Variants in ATP2A1 observed in about 807,000 individuals in gnomAD.
ATP2A1 encodes the protein sarcoplasmic/endoplasmic reticulum calcium ATPase 1.
ATP2A1 carries 83 observed loss-of-function variants against 109.5 expected under a neutral mutation model. The observed-to-expected ratio is 0.76, with a 90% CI of 0.63 to 0.91. The LOEUF is 0.91. Among genes scored for constraint, ATP2A1 ranks in the 40% least tolerant of loss-of-function variants. The pLI, the probability that ATP2A1 is intolerant of heterozygous loss-of-function variation, is 0.00. For missense variants in ATP2A1, 1,101 were observed against 1,341.0 expected, an observed-to-expected ratio of 0.82 and a Z score of 2.80; for synonymous variants, 505 against 537.6, an observed-to-expected ratio of 0.94 and a Z score of 0.84.
chr16:28,894,402 C>A, intron 10 of ATP2A1, 103 bp from the exon 11 acceptor site: 1 of 1,326,018 alleles, frequency 7.5e-7, no homozygotes, highest in Non-Finnish European at 1.1e-6. Context: ...CCCCACTGTC[C>A]TTCCTTACCC....
intron 9 of ATP2A1, among the ~76,000 whole-genome samples, chr16:28,891,800 A>G (rs1963780984): frequency 6.7e-6 from 1 of 148,752 alleles, no homozygotes; most frequent in Admixed American, 6.7e-5. Context: ...AATCGCTTGA[A>G]CCCAGGAGGC....
rs775274724 is a variant in ATP2A1, at chr16:28,882,616, G to A, written c.463+27G>A. 1.7e-5 allele frequency: 27 copies of A among 1,613,160 alleles called. No individual in the cohort carries two copies. The East Asian group carries it at 4.9e-4, about 29-fold the overall frequency. On this transcript the variant is annotated intron_variant, in intron 5 of 22. Coordinates refer to ENST00000395503, the MANE Select transcript of ATP2A1 (RefSeq NM_004320.6). The stretch of plus-strand genomic sequence containing the variant: ...TGAGTGACAGGGACGGCTGGTCCAG[G>A]ATGGGAGGCCTTGGGGCTGAGGCCT...
At position 28,903,947 on chromosome 16, in the gene ATP2A1, G is replaced by C; in HGVS notation, c.*37+206G>C. ...GGCTCCCAGGCCCTGGGCAGTGCCA[G>C]CCTCTGGGCCCGTCTGCTGCGCTGC... On this transcript the variant is annotated intron_variant, in intron 22 of 22. Coordinates refer to ENST00000395503, the MANE Select transcript of ATP2A1 (RefSeq NM_004320.6). The surrounding 1 kb of genome is among the most constrained non-coding windows in gnomAD (Gnocchi z 5.6). 2.8e-6 allele frequency: 2 copies of C among 725,272 alleles called. No individual in the cohort carries two copies. Among genetic ancestry groups the C allele is most frequent in the Non-Finnish European group, 4.8e-6 (2 of 414,878 alleles). 44.9% of individuals were successfully genotyped at this position (725,272 alleles called of 1,614,324 possible).
Position 28,900,649 on chromosome 16 carries a change from C to CCAGCTGTG in ATP2A1, c.1835_1842dup (p.Arg615SerfsTer10). 6.2e-7 allele frequency: 1 copy of CCAGCTGTG among 1,606,888 alleles called. No homozygotes were observed. The highest frequency in any genetic ancestry group is 8.5e-7 in the Non-Finnish European group (1 of 1,174,824). ...CGCGCAAGGAGGTCACGGGCTCCAT[C>CCAGCTGTG]CAGCTGTGCCGTGACGCCGGGATCC... On this transcript the variant is annotated frameshift_variant, in exon 15 of 23. Transcript: ENST00000395503. LOFTEE classifies it high-confidence loss of function.
At chr16:28,896,233 T>G (rs1179638965) in intron 12 of ATP2A1, among the ~76,000 whole-genome samples, 1 of 152,220 alleles carries the variant, frequency 6.6e-6, no homozygotes, top group Non-Finnish European at 1.5e-5. Context: ...TGTTTGTTTG[T>G]TTGTCTGTCT....
rs768775877 is a variant in ATP2A1 at position 28,878,607 on chromosome 16, A to AC, written c.-59dup. On this transcript the variant is annotated 5_prime_UTR_variant, in exon 1 of 23. Coordinates refer to ENST00000395503, the MANE Select transcript of ATP2A1 (RefSeq NM_004320.6). The stretch of plus-strand genomic sequence containing the variant: ...CAGGCAGTTGGACACACTGAGGAAG[A>AC]CCCCCCACGAGTGGGAACCCCCTGG... The AC allele has an allele frequency of 2.7e-5, 36 of 1,332,542 alleles. No individual in the cohort carries two copies. Among genetic ancestry groups the AC allele is most frequent in the Non-Finnish European group, 3.4e-5 (32 of 947,260 alleles). 82.5% of individuals were successfully genotyped at this position (1,332,542 alleles called of 1,614,324 possible).
Position 28,903,518 on chromosome 16 carries a change from G to A in ATP2A1, c.2980+78G>A, listed in dbSNP as rs1434224582. 50 of 898,090 alleles carry A rather than the reference G, an allele frequency of 5.6e-5. No individual in the cohort carries two copies. The highest frequency in any genetic ancestry group is 3.5e-4 in the African/African-American group (15 of 43,012). 55.6% of individuals were successfully genotyped at this position (898,090 alleles called of 1,614,324 possible). A position where few individuals can be genotyped will look rare whatever the true frequency, so the allele number is the denominator to read the frequency against. ...CATGACGCCGCCCCCGCCCCGCCCC[G>A]TACTTTGCAGGTGGTAAGTTTCTCA... On this transcript the variant is annotated intron_variant, in intron 21 of 22. Transcript: ENST00000395503. This position sits in a 1 kb window ranked among gnomAD's most constrained non-coding sequence, Gnocchi z 5.6.
rs1473518045 is a variant in ATP2A1 at position 28,899,656 on chromosome 16, C to CT, written c.1765-925_1765-924insT. 1.7e-5 allele frequency among the ~76,000 whole-genome samples: 2 copies of CT among 121,034 alleles called. 1 individual carries two copies. The highest frequency in any genetic ancestry group is 3.6e-5 in the Non-Finnish European group (2 of 56,154). The allele number at this position is 121,034 out of a possible 152,430, so 79.4% of individuals were successfully genotyped here. ...TCCATCCCCTGCGCCCGCCCCCCCC[C>CT]CCCCGAAAAAGACACAATTTGGGGC... On this transcript the variant is annotated intron_variant, in intron 14 of 22. Coordinates refer to ENST00000395503, the MANE Select transcript of ATP2A1 (RefSeq NM_004320.6).
At chr16:28,896,569 C>T (rs7193677) in intron 12 of ATP2A1, among the ~76,000 whole-genome samples, 4,191 of 152,192 alleles carry the variant, frequency 0.028, 230 homozygotes, top group African/African-American at 0.097. Context: ...TGTGCCACAA[C>T]GCCCAACTAA....
chr16:28,891,414 G>A (rs2152207156), intron 9 of ATP2A1, among the ~76,000 whole-genome samples: 1 of 151,570 alleles, frequency 6.6e-6, no homozygotes, highest in African/African-American at 2.4e-5. Context: ...GACCAACATG[G>A]AGAAACCCTG....
chr16:28,903,262 A>C lies in ATP2A1; in HGVS notation c.2863-61A>C. On this transcript the variant is annotated intron_variant, in intron 20 of 22. Transcript: ENST00000395503. The surrounding 1 kb of genome is among the most constrained non-coding windows in gnomAD (Gnocchi z 5.6). ...GGAGGCTGGTGGGAGTGGGCTGGGC[A>C]GTGCTGGTCTCTGGCTCCCTCCCCA... 1 of 1,565,572 alleles carries C rather than the reference A, an allele frequency of 6.4e-7. No individual in the cohort carries two copies. The highest frequency in any genetic ancestry group is 8.8e-7 in the Non-Finnish European group (1 of 1,136,668).
At chr16:28,894,995 A>G (rs376774988) in intron 12 of ATP2A1, 42 bp downstream of exon 12, 136 of 1,606,074 alleles carry the variant, frequency 8.5e-5, no homozygotes, top group Non-Finnish European at 1.1e-4. Context: ...TCTCCACTCT[A>G]TGCTGCATAG....
chr16:28,881,405 G>GTTTGT (rs1359269132), intron 4 of ATP2A1: 16 of 304,032 alleles, frequency 5.3e-5, no homozygotes, highest in Admixed American at 1.4e-4. Context: ...CTGCTTCCTG[G>GTTTGT]TTTGTTTTGT....
At chr16:28,893,225 A>AG (rs1963823440) in intron 9 of ATP2A1, among the ~76,000 whole-genome samples, 2 of 151,098 alleles carry the variant, frequency 1.3e-5, no homozygotes, top group African/African-American at 4.9e-5. Context: ...TTCTACCAAA[A>AG]AAAAAAAAAA....
In ATP2A1 at chr16:28,879,102, T is replaced by C; in HGVS notation, c.122T>C (p.Leu41Pro). The C allele has an allele frequency of 6.2e-7, 1 of 1,614,056 alleles. No homozygotes were observed. Among genetic ancestry groups the C allele is most frequent in the Non-Finnish European group, 8.5e-7 (1 of 1,180,002 alleles). The change falls in exon 2 of 23, where the codon CTC (leucine) becomes CCC (proline). Residue 41 changes from leucine (L) to proline (P), a missense_variant. Coordinates refer to ENST00000395503, the MANE Select transcript of ATP2A1 (RefSeq NM_004320.6). ...RNLEKYGLNE[L>P]PAEEGKTLWE... ...TTTTCTTCTTTTTCCTGGGTAGAGC[T>C]CCCTGCTGAGGAAGGTAAGTTACTG...
chr16:28,890,527 C>A (rs761391941), intron 9 of ATP2A1, among the ~76,000 whole-genome samples: 1 of 150,956 alleles, frequency 6.6e-6, no homozygotes, highest in Admixed American at 6.6e-5. Flanking sequence ...CGGTGGCTCA[C>A]GCCTGTAATC....
In ATP2A1 at chr16:28,900,777, C is replaced by T. The variant is rs148957878; in HGVS notation, c.1961C>T (p.Thr654Met). The T allele has an allele frequency of 4.5e-5, 73 of 1,614,218 alleles. No individual in the cohort carries two copies. Among genetic ancestry groups the T allele is most frequent in the Non-Finnish European group, 5.0e-5 (59 of 1,180,048 alleles). ...GAGGAGGTGGCCGATCGCGCCTACA[C>T]GGGCCGAGAGTTCGACGACCTGCCC... Reference protein sequence around the residue: ...ENEEVADRAYTGREFDDLPLA... With the variant: ...ENEEVADRAYMGREFDDLPLA... Residue 654 changes from threonine (T) to methionine (M), a missense_variant, in exon 15 of 23, where the codon ACG becomes ATG. By Grantham distance (81) the Thr-to-Met change is moderately conservative. Transcript: ENST00000395503.
chr16:28,890,707 A>G (rs538359703), intron 9 of ATP2A1, among the ~76,000 whole-genome samples: 1 of 151,898 alleles, frequency 6.6e-6, no homozygotes, highest in Admixed American at 6.6e-5. Context: ...GTTTTTTGAG[A>G]TGGAGTCTCA....
chr16:28,879,635 G>C, intron 3 of ATP2A1, 52 bp downstream of exon 3: 4 of 1,558,448 alleles, frequency 2.6e-6, no homozygotes, highest in Non-Finnish European at 3.5e-6. Context: ...GGCTGGGATC[G>C]GGCGAATGCG....
Sources: allele counts gnomAD v4.1 joint callset (sites outside exome capture counted in the v4.1 genomes callset), GRCh38; gene constraint gnomAD v4.1.1; non-coding constraint Gnocchi (gnomAD v3.1); transcripts MANE v1.5; gene names NCBI Gene and HGNC (gene_info 2026-07-23, HGNC 2026-07-21).